RUFY3: variants seen among roughly 807,000 people sequenced by gnomAD.
The protein encoded by RUFY3 is RUN and FYVE domain containing 3, also known as protein RUFY3.
A neutral mutation model predicts 84.0 loss-of-function variants in RUFY3; 34 were observed. The ratio of observed to expected loss-of-function variants is 0.40; its 90% CI spans 0.31 to 0.54. The LOEUF (loss-of-function observed/expected upper bound fraction) is 0.54. Ranked by LOEUF, RUFY3 falls within the 20% of genes least tolerant of loss-of-function variation. RUFY3 has a pLI of 0.39. For missense variants in RUFY3, 507 were observed against 736.8 expected (o/e 0.69, Z 3.61); for synonymous variants, 242 against 252.9 (o/e 0.96, Z 0.41).
intron 1 of RUFY3, among the ~76,000 whole-genome samples, chr4:70,715,329 C>T (rs1436662475): frequency 2.6e-5 from 4 of 151,898 alleles, no homozygotes; most frequent in African/African-American, 9.7e-5. Context: ...TGCCTGTAAT[C>T]CCCCAGCACT....
chr4:70,779,151 C>T (rs1728479136), intron 8 of RUFY3, among the ~76,000 whole-genome samples: 1 of 152,120 alleles, frequency 6.6e-6, no homozygotes, highest in South Asian at 2.1e-4. Flanking sequence ...TGGCAAACTC[C>T]CCACCACTTA....
chr4:70,802,196 T>C (rs771385629), intron 15 of RUFY3, among the ~76,000 whole-genome samples: 33 of 152,222 alleles, frequency 2.2e-4, no homozygotes, highest in Admixed American at 6.5e-4. Context: ...CCAGGACTTA[T>C]TCTGGCCATA....
intron 4 of RUFY3, among the ~76,000 whole-genome samples, chr4:70,767,968 C>T (rs1483883328): frequency 7.9e-5 from 12 of 152,040 alleles, no homozygotes; most frequent in African/African-American, 2.9e-4. Context: ...CGTGAGCCAC[C>T]GTGCCCAGCC....
intron 15 of RUFY3, among the ~76,000 whole-genome samples, chr4:70,801,730 T>G (rs1204254283): frequency 1.3e-5 from 2 of 152,182 alleles, no homozygotes; most frequent in African/African-American, 4.8e-5. Flanking sequence ...AATGTCCCTT[T>G]CTGGCCTTGC....
At chr4:70,727,692 C>T (rs1333375932) in intron 1 of RUFY3, among the ~76,000 whole-genome samples, 3 of 149,596 alleles carry the variant, frequency 2.0e-5, no homozygotes, top group East Asian at 2.0e-4. Context: ...GAGGCTGAGG[C>T]AGGAGAATCG....
chr4:70,767,259 ATTTTTTTTTT>A (rs779388140), intron 4 of RUFY3, among the ~76,000 whole-genome samples: 6 of 49,678 alleles, frequency 1.2e-4, no homozygotes, highest in South Asian at 6.4e-4. Context: ...CTAATTTTGT[ATTTTTTTTTT>A]TTTTTTTTTT....
chr4:70,757,866 T>C (rs1724295772), intron 1 of RUFY3, among the ~76,000 whole-genome samples: 1 of 152,144 alleles, frequency 6.6e-6, no homozygotes. Flanking sequence ...AAAAAAATAA[T>C]TGCATGAAAG....
chr4:70,787,263 T>G (rs926294387), intron 10 of RUFY3, among the ~76,000 whole-genome samples: 4 of 144,218 alleles, frequency 2.8e-5, no homozygotes, highest in Non-Finnish European at 6.1e-5. Flanking sequence ...TTTATTTGTT[T>G]TTTTTTTTTT....
chr4:70,704,417 G>A (rs1891451), upstream of RUFY3: 65,700 of 152,346 alleles, frequency 0.43, 16,297 homozygotes, highest in East Asian at 0.61. Flanking sequence ...CTTCAACCCA[G>A]ATCTTTGTGC....
At chr4:70,744,358 T>G (rs111588963) in intron 1 of RUFY3, among the ~76,000 whole-genome samples, 12 of 150,618 alleles carry the variant, frequency 8.0e-5, no homozygotes, top group African/African-American at 3.0e-4. Context: ...TGGCTAATTT[T>G]TATGTATGTA....
intron 7 of RUFY3, among the ~76,000 whole-genome samples, chr4:70,775,469 A>G (rs1727777777): frequency 6.6e-6 from 1 of 151,448 alleles, no homozygotes; most frequent in African/African-American, 2.4e-5. Context: ...ATAGTATATA[A>G]TATTACGTAT....
chr4:70,768,844 C>T (rs1451854573), intron 5 of RUFY3, among the ~76,000 whole-genome samples, 183 bp downstream of exon 5: 5 of 152,122 alleles, frequency 3.3e-5, no homozygotes, highest in African/African-American at 2.4e-5. Context: ...CTCATTTATA[C>T]GTTACGAATG....
upstream of RUFY3, among the ~76,000 whole-genome samples, chr4:70,721,293 CAAAAAAG>C (rs1023466771): frequency 9.9e-5 from 14 of 141,316 alleles, no homozygotes; most frequent in Non-Finnish European, 1.8e-4. Context: ...GACTCTGTCT[CAAAAAAG>C]AAAAAAGAAA....
chr4:70,785,000 C>G lies in RUFY3; in HGVS notation c.1071+121C>G, dbSNP rs1729551055. ...GTAGTGTTCTGAAAAATTCTAGATC[C>G]TATAAAATGGTTCATCTCTTTTTAA... is the stretch of plus-strand genomic sequence containing the variant. On this transcript the variant is annotated intron_variant, in intron 10 of 17. Transcript: ENST00000381006. 7.0e-6 allele frequency: 4 copies of G among 568,176 alleles called. No individual in the cohort carries two copies. The Admixed American group carries it at 1.1e-4, about 16-fold the overall frequency. 35.2% of individuals were successfully genotyped at this position (568,176 alleles called of 1,614,324 possible).
At chr4:70,714,161 T>C (rs1031914516) in intron 1 of RUFY3, among the ~76,000 whole-genome samples, 4 of 152,166 alleles carry the variant, frequency 2.6e-5, no homozygotes, top group Non-Finnish European at 5.9e-5. Flanking sequence ...GTGAGCATGC[T>C]GACTCCAGAG....
At chr4:70,774,644 A>AAAATATATATAT (rs1553916771) in intron 6 of RUFY3, among the ~76,000 whole-genome samples, 2 of 56,672 alleles carry the variant, frequency 3.5e-5, no homozygotes, top group African/African-American at 8.4e-5. Flanking sequence ...AAAAAAAAAA[A>AAAATATATATAT]ATATATATAT....
intron 1 of RUFY3, among the ~76,000 whole-genome samples, chr4:70,745,594 A>G (rs1404036955): frequency 9.2e-5 from 14 of 152,228 alleles, no homozygotes; most frequent in Non-Finnish European, 4.4e-5. Context: ...TAGTCAGGAC[A>G]GTACTTGAAT....
chr4:70,705,803 G>GC lies in RUFY3; in HGVS notation c.358+511dup, dbSNP rs554056405. On this transcript the variant is annotated intron_variant, in intron 1 of 11. Transcript: ENST00000417478. ...GTGTGGCTGCTGCGCCGCCGCCGCC[G>GC]CCAGTGCGGCCTTAGTAATACTAGT... 3.9e-5 allele frequency among the ~76,000 whole-genome samples: 6 copies of GC among 152,354 alleles called. No homozygotes were observed. In the East Asian group the frequency reaches 1.2e-3, roughly 29 times the overall value.
At chr4:70,777,291 A>G (rs954563519) in intron 7 of RUFY3, among the ~76,000 whole-genome samples, 1 of 152,176 alleles carries the variant, frequency 6.6e-6, no homozygotes, top group Admixed American at 6.5e-5. Context: ...CCAGAACATA[A>G]AACAGTTTCC....
Sources: gnomAD v4.1 joint callset for allele counts (sites outside exome capture counted in the v4.1 genomes callset) on GRCh38, gnomAD v4.1.1 for gene constraint, MANE v1.5 for transcripts, NCBI Gene and HGNC (gene_info 2026-07-23, HGNC 2026-07-21) for gene names.